Variants in DNAJC13 observed in about 807,000 individuals in gnomAD.
DNAJC13 encodes DnaJ heat shock protein family (Hsp40) member C13.
Under a neutral mutation model 290.5 loss-of-function variants are expected in DNAJC13, and 75 were observed. The observed-to-expected ratio is 0.26, with a 90% CI of 0.21 to 0.31. The LOEUF (loss-of-function observed/expected upper bound fraction) is 0.31, where lower values mean the gene tolerates loss of function less well. Among genes scored for constraint, DNAJC13 ranks in the 10% least tolerant of loss-of-function variants. DNAJC13 has a pLI of 1.00. For synonymous variants in DNAJC13, 862 were observed against 892.0 expected (o/e 0.97, Z 0.60); for missense variants, 2,260 against 2,674.5 (o/e 0.85, Z 3.42).
At chr3:132,473,954 C>T (rs980044065) in intron 21 of DNAJC13, among the ~76,000 whole-genome samples, 1 of 152,132 alleles carries the variant, frequency 6.6e-6, no homozygotes, top group East Asian at 1.9e-4. Flanking sequence ...ATGAGACTTT[C>T]TAGGAGGATT....
chr3:132,478,343 A>T (rs559953528), intron 24 of DNAJC13, among the ~76,000 whole-genome samples: 1 of 152,174 alleles, frequency 6.6e-6, no homozygotes, highest in Admixed American at 6.5e-5. Flanking sequence ...ATGTCACTTT[A>T]TGTGTTTCAG....
intron 55 of DNAJC13, among the ~76,000 whole-genome samples, chr3:132,533,057 CTTTTT>C (rs35854494): frequency 9.7e-6 from 1 of 102,908 alleles, no homozygotes. Context: ...CCACACCTGG[CTTTTT>C]TTTTTTTTTT....
chr3:132,421,956 G>T (rs1171123541), intron 1 of DNAJC13, among the ~76,000 whole-genome samples: 1 of 151,998 alleles, frequency 6.6e-6, no homozygotes, highest in East Asian at 1.9e-4. Context: ...TAGAGTCTGG[G>T]ATTCATTCAT....
At chr3:132,525,887 T>G (rs924390636) in intron 52 of DNAJC13, 98 bp downstream of exon 52, 22 of 1,381,072 alleles carry the variant, frequency 1.6e-5, no homozygotes, top group Non-Finnish European at 1.9e-5. Flanking sequence ...ATCCCCTTTC[T>G]GCCATGTGTC....
intron 2 of DNAJC13, among the ~76,000 whole-genome samples, chr3:132,444,872 AGT>A (rs1933192568): frequency 6.6e-6 from 1 of 152,200 alleles, no homozygotes; most frequent in South Asian, 2.1e-4. Flanking sequence ...GTTAGAGGGA[AGT>A]GCTATAATTC....
chr3:132,467,918 T>C (rs1934056569), intron 20 of DNAJC13, among the ~76,000 whole-genome samples: 1 of 152,224 alleles, frequency 6.6e-6, no homozygotes, highest in South Asian at 2.1e-4. Context: ...TTTATTCATA[T>C]GTATTTATTT....
chr3:132,422,730 A>C (rs1431186824), intron 1 of DNAJC13, among the ~76,000 whole-genome samples: 2 of 152,244 alleles, frequency 1.3e-5, no homozygotes, highest in Admixed American at 1.3e-4. Context: ...GGTGTGGTTC[A>C]GTCAATAAAA....
chr3:132,490,977 T>G lies in DNAJC13; in HGVS notation c.3549T>G (p.Tyr1183Ter). The G allele has an allele frequency of 6.2e-7, 1 of 1,613,076 alleles. No homozygotes were observed. The highest frequency in any genetic ancestry group is 8.5e-7 in the Non-Finnish European group (1 of 1,179,528). Residue 1183 changes from tyrosine to a stop codon, truncating the protein, a stop_gained, in exon 32 of 56, where the codon TAT (tyrosine) becomes TAG (stop). Transcript: ENST00000260818. LOFTEE classifies it high-confidence loss of function. The part of the protein sequence containing the change: ...PEAMVCYLEN[Y>*]EPEKFSEIFL... ...CAATGGTTTGTTACTTAGAAAATTA[T>G]GAACCTGAAAAGTTTTCTGAGATTT...
intron 20 of DNAJC13, among the ~76,000 whole-genome samples, chr3:132,470,615 G>T (rs1262491796): frequency 0.028 from 3,939 of 141,712 alleles, 13 homozygotes; most frequent in Middle Eastern, 0.047. Flanking sequence ...CGGGCGGGGG[G>T]GCTGACCCCC....
intron 42 of DNAJC13, among the ~76,000 whole-genome samples, chr3:132,506,541 CTTTTTTTTTTT>C (rs34151394): frequency 0.16 from 8,618 of 54,520 alleles, 291 homozygotes; most frequent in Middle Eastern, 0.22. Context: ...CAGTGTATTA[CTTTTTTTTTTT>C]TTTTTTTTTT....
chr3:132,450,873 ACACTTT>A, intron 6 of DNAJC13, 26 bp downstream of exon 6: 3 of 1,359,390 alleles, frequency 2.2e-6, no homozygotes, highest in Non-Finnish European at 3.0e-6. Context: ...AAAAAAAAAA[ACACTTT>A]AAAAGGGTCA....
chr3:132,450,090 A>T (rs919452366), intron 5 of DNAJC13, among the ~76,000 whole-genome samples: 1 of 152,094 alleles, frequency 6.6e-6, no homozygotes, highest in South Asian at 2.1e-4. Flanking sequence ...ATGATCAAAC[A>T]TCTTGAAGAT....
intron 36 of DNAJC13, among the ~76,000 whole-genome samples, chr3:132,498,049 G>A (rs1169715661): frequency 6.6e-6 from 1 of 152,056 alleles, no homozygotes; most frequent in Non-Finnish European, 1.5e-5. Flanking sequence ...TGCCTAATAG[G>A]TTAGATTGAA....
At chr3:132,512,664 A>AG (rs1559906967) in intron 44 of DNAJC13, among the ~76,000 whole-genome samples, 1 of 152,192 alleles carries the variant, frequency 6.6e-6, no homozygotes, top group Admixed American at 6.5e-5. Flanking sequence ...AATTAGGTTG[A>AG]GGGGGGTAAC....
At chr3:132,493,965 G>C (rs1190483701) in intron 33 of DNAJC13, among the ~76,000 whole-genome samples, 179 bp from the exon 34 acceptor site, 6 of 151,990 alleles carry the variant, frequency 3.9e-5, no homozygotes, top group Non-Finnish European at 8.8e-5. Flanking sequence ...CAAATACCTT[G>C]CTCTGCCCAA....
chr3:132,467,202 G>A lies in DNAJC13; in HGVS notation c.2097G>A (p.Glu699=), dbSNP rs748069379. ...ATGGAAAATTTAATAAAGTTCCAGA[G>A]TGGCAAAGACTAGCTGGAAAAGCTG... ...DQYGKFNKVP[E]WQRLAGKAAK... The change falls in exon 20 of 56, where the codon GAG becomes GAA. Residue 699 remains glutamate (E), a synonymous_variant. Transcript: ENST00000260818. 2 of 1,613,604 alleles carry A rather than the reference G, an allele frequency of 1.2e-6. No homozygotes were observed. The highest frequency in any genetic ancestry group is 1.7e-6 in the Non-Finnish European group (2 of 1,179,796).
Position 132,538,874 on chromosome 3 carries a change from G to A in DNAJC13, c.*592G>A, listed in dbSNP as rs1165134542. On this transcript the variant is annotated 3_prime_UTR_variant, in exon 56 of 56. Coordinates refer to ENST00000260818, the MANE Select transcript of DNAJC13 (RefSeq NM_015268.4). ...GCTTGTGCAAAAAAATTTAAAAATG[G>A]ATGTCAAGATGTTATGTAAAAGATG... 1 of 152,478 alleles carries A rather than the reference G, an allele frequency of 6.6e-6. No homozygotes were observed. The highest frequency in any genetic ancestry group is 1.9e-4 in the East Asian group (1 of 5,198). 9.4% of individuals were successfully genotyped at this position (152,478 alleles called of 1,614,324 possible).
chr3:132,498,661 G>T (rs1464047780), intron 36 of DNAJC13, among the ~76,000 whole-genome samples: 1 of 151,860 alleles, frequency 6.6e-6, no homozygotes, highest in Non-Finnish European at 1.5e-5. Flanking sequence ...GCATTAGGAG[G>T]CATTTAAGAT....
chr3:132,463,688 T>C lies in DNAJC13; in HGVS notation c.1771-8T>C. On this transcript the variant is annotated splice_region_variant and splice_polypyrimidine_tract_variant and intron_variant, in intron 16 of 55. Transcript: ENST00000260818. ...CACCTTAGGGATCATCTTACCCTTT[T>C]TCCAAAGGAAGGTGATAAAGAAATT... The C allele has an allele frequency of 6.2e-7, 1 of 1,611,730 alleles. No individual in the cohort carries two copies. Among genetic ancestry groups the C allele is most frequent in the Non-Finnish European group, 8.5e-7 (1 of 1,178,582 alleles).
Sources: allele counts gnomAD v4.1 joint callset (sites outside exome capture counted in the v4.1 genomes callset), GRCh38; gene constraint gnomAD v4.1.1; transcripts MANE v1.5; gene names NCBI Gene and HGNC (gene_info 2026-07-23, HGNC 2026-07-21).